RASSF8: variants seen among roughly 807,000 people sequenced by gnomAD.
RASSF8 encodes the protein ras association domain-containing protein 8.
Under a neutral mutation model 48.5 loss-of-function variants are expected in RASSF8, and 22 were observed. The observed-to-expected ratio is 0.45, with a 90% CI of 0.32 to 0.65. The LOEUF is 0.65. Among genes scored for constraint, RASSF8 ranks in the 30% least tolerant of loss-of-function variants. The pLI, the probability that RASSF8 is intolerant of heterozygous loss-of-function variation, is 0.03. For synonymous variants in RASSF8, 127 were observed against 171.5 expected (o/e 0.74, Z 2.03); for missense variants, 418 against 489.2 (o/e 0.85, Z 1.37).
chr12:25,994,170 A>G (rs1454744208), intron 1 of RASSF8, among the ~76,000 whole-genome samples: 1 of 152,116 alleles, frequency 6.6e-6, no homozygotes, highest in Non-Finnish European at 1.5e-5. Flanking sequence ...CTTATGCTCT[A>G]ATTTGATATT....
At position 26,070,696 on chromosome 12, in the gene RASSF8, T is replaced by A. The variant is rs2137337264; in HGVS notation, c.*1878T>A. On this transcript the variant is annotated 3_prime_UTR_variant, in exon 6 of 6. Transcript: ENST00000689635. ...AATATATGCCTTATTTTTAAATAAG[T>A]CATTCTGTATAAAGTCATTTTGTTG... 1 of 947,330 alleles carries A rather than the reference T, an allele frequency of 1.1e-6. No individual in the cohort carries two copies. 58.7% of individuals were successfully genotyped at this position (947,330 alleles called of 1,614,324 possible).
At position 25,987,267 on chromosome 12, in the gene RASSF8, T is replaced by C. The variant is rs1941907869; in HGVS notation, c.-202-7770T>C. ...AACTCTTGACATTTGGAGCCGTTGC[T>C]AGGCAGTGAGTGTTCATGATATGAA... is the stretch of plus-strand genomic sequence containing the variant. On this transcript the variant is annotated intron_variant, in intron 1 of 5. Transcript: ENST00000689635. Among the ~76,000 whole-genome samples the C allele has an allele frequency of 2.0e-5, 3 of 152,350 alleles. No homozygotes were observed. In the South Asian group the frequency reaches 6.2e-4, roughly 32 times the overall value.
chr12:26,064,450 C>G lies in RASSF8; in HGVS notation c.104-48C>G, dbSNP rs931548107. 1.3e-5 allele frequency: 19 copies of G among 1,449,884 alleles called. No homozygotes were observed. In the Admixed American group the frequency reaches 2.4e-4, roughly 18 times the overall value. The allele number at this position is 1,449,884 out of a possible 1,614,324, so 89.8% of individuals were successfully genotyped here. A position where few individuals can be genotyped will look rare whatever the true frequency, so the allele number is the denominator to read the frequency against. On this transcript the variant is annotated intron_variant, in intron 3 of 5. Coordinates refer to ENST00000689635, the MANE Select transcript of RASSF8 (RefSeq NM_001394098.1). ...ATGGCATTCTTACTCCATTTTTTAA[C>G]TATTACATATCCCATTTTGACAAGT... is the stretch of plus-strand genomic sequence containing the variant.
intron 1 of RASSF8, among the ~76,000 whole-genome samples, chr12:25,985,931 A>G (rs1396307723): frequency 6.6e-6 from 1 of 152,248 alleles, no homozygotes; most frequent in Non-Finnish European, 1.5e-5. Context: ...ATCATCAGAA[A>G]ACAAGGAAAA....
intron 1 of RASSF8, chr12:25,959,771 T>C (rs1003537522): frequency 6.6e-6 from 1 of 152,132 alleles, no homozygotes; most frequent in Admixed American, 6.5e-5. Context: ...TGAATGTGGG[T>C]CCTGGTGCGG....
At chr12:26,000,568 A>G (rs1235852044) in intron 2 of RASSF8, among the ~76,000 whole-genome samples, 1 of 152,156 alleles carries the variant, frequency 6.6e-6, no homozygotes, top group Non-Finnish European at 1.5e-5. Context: ...ACATTGAGAA[A>G]TGTGTCTAGG....
chr12:26,055,618 A>T (rs979012496), intron 3 of RASSF8, among the ~76,000 whole-genome samples, 172 bp downstream of exon 3: 5 of 152,158 alleles, frequency 3.3e-5, no homozygotes, highest in African/African-American at 4.8e-5. Context: ...ATCTGTGATG[A>T]TGCTTGTTCT....
chr12:25,982,296 A>G (rs1339820558), intron 1 of RASSF8, among the ~76,000 whole-genome samples: 2 of 152,262 alleles, frequency 1.3e-5, no homozygotes, highest in Admixed American at 1.3e-4. Flanking sequence ...CAGAATATGA[A>G]TTTCTGCATT....
At chr12:26,041,676 T>C in intron 2 of RASSF8, among the ~76,000 whole-genome samples, 1 of 152,062 alleles carries the variant, frequency 6.6e-6, no homozygotes, top group East Asian at 1.9e-4. Flanking sequence ...TACATAAACA[T>C]ATATATATAC....
intron 2 of RASSF8, among the ~76,000 whole-genome samples, chr12:26,051,790 C>T (rs950681798): frequency 2.0e-5 from 3 of 152,142 alleles, no homozygotes; most frequent in Non-Finnish European, 4.4e-5. Flanking sequence ...GAATAAGAAA[C>T]TCAACTGAGT....
chr12:25,985,281 A>G (rs538194120), intron 1 of RASSF8, among the ~76,000 whole-genome samples: 3 of 152,332 alleles, frequency 2.0e-5, no homozygotes, highest in Non-Finnish European at 4.4e-5. Flanking sequence ...ACCCTATGTC[A>G]TGTTGTTACT....
At chr12:26,004,661 T>C (rs759383726) in intron 2 of RASSF8, among the ~76,000 whole-genome samples, 8 of 152,116 alleles carry the variant, frequency 5.3e-5, no homozygotes, top group Admixed American at 1.3e-4. Flanking sequence ...ATATTTACTA[T>C]ACAGTAAGTG....
At chr12:25,976,880 C>T (rs972813242) in intron 1 of RASSF8, among the ~76,000 whole-genome samples, 3 of 152,180 alleles carry the variant, frequency 2.0e-5, no homozygotes, top group African/African-American at 7.2e-5. Context: ...CCTAACACCA[C>T]ATGCTTGGGA....
intron 2 of RASSF8, among the ~76,000 whole-genome samples, chr12:26,038,246 C>T (rs1246425919): frequency 6.6e-6 from 1 of 152,112 alleles, no homozygotes; most frequent in Non-Finnish European, 1.5e-5. Context: ...ACCTCAGTCC[C>T]TTTGGAAATA....
intron 5 of RASSF8, among the ~76,000 whole-genome samples, chr12:26,068,274 CTTCT>C (rs1943924085): frequency 6.6e-6 from 1 of 152,036 alleles, no homozygotes; most frequent in African/African-American, 2.4e-5. Context: ...TTTGAAACTA[CTTCT>C]TTATTAAAAC....
chr12:25,983,798 A>C (rs1019922242), intron 1 of RASSF8, among the ~76,000 whole-genome samples: 1 of 152,178 alleles, frequency 6.6e-6, no homozygotes, highest in Non-Finnish European at 1.5e-5. Flanking sequence ...GTGATACTAA[A>C]AATAGTGAAC....
chr12:25,962,563 ATGAG>A (rs1358017853), intron 1 of RASSF8, among the ~76,000 whole-genome samples: 1 of 152,126 alleles, frequency 6.6e-6, no homozygotes. Flanking sequence ...TGTTGATATA[ATGAG>A]TAAGATCGTA....
At chr12:26,026,090 A>G (rs1942906693) in intron 2 of RASSF8, among the ~76,000 whole-genome samples, 1 of 152,226 alleles carries the variant, frequency 6.6e-6, no homozygotes, top group Non-Finnish European at 1.5e-5. Context: ...GTTGCTTAGA[A>G]ATGACATCAA....
intron 1 of RASSF8, among the ~76,000 whole-genome samples, chr12:25,965,487 G>A (rs532373426): frequency 6.7e-6 from 1 of 148,660 alleles, no homozygotes; most frequent in African/African-American, 2.5e-5. Flanking sequence ...TCAGCTTCCC[G>A]AGTAGCTGGG....
Sources: allele counts gnomAD v4.1 joint callset (sites outside exome capture counted in the v4.1 genomes callset), GRCh38; gene constraint gnomAD v4.1.1; transcripts MANE v1.5; gene names NCBI Gene and HGNC (gene_info 2026-07-23, HGNC 2026-07-21).